Variants in PEBP4 observed in about 807,000 individuals in gnomAD.
PEBP4 encodes the protein phosphatidylethanolamine binding protein 4.
A neutral mutation model predicts 23.9 loss-of-function variants in PEBP4; 22 were observed. That is an observed-to-expected ratio of 0.92 (90% CI 0.66 to 1.31). The LOEUF is 1.31. Ranked by LOEUF, PEBP4 falls within the 40% of genes most tolerant of loss-of-function variation. PEBP4 has a pLI of 0.00. For missense variants in PEBP4, 324 were observed against 281.7 expected (o/e 1.15, Z -1.07); for synonymous variants, 112 against 99.3 (o/e 1.13, Z -0.76).
intron 4 of PEBP4, among the ~76,000 whole-genome samples, chr8:22,728,570 T>C (rs1393173208): frequency 3.4e-5 from 4 of 116,360 alleles, no homozygotes; most frequent in Admixed American, 8.7e-5. Context: ...CTTCCTTCCT[T>C]CCTTCCTTCC....
intron 2 of PEBP4, among the ~76,000 whole-genome samples, chr8:22,922,771 T>G (rs1809237581): frequency 6.6e-6 from 1 of 151,320 alleles, no homozygotes; most frequent in East Asian, 2.0e-4. Context: ...GGTGCCACCT[T>G]CCTGTGTGCC....
At chr8:22,764,368 G>C (rs903339373) in intron 4 of PEBP4, among the ~76,000 whole-genome samples, 1 of 152,122 alleles carries the variant, frequency 6.6e-6, no homozygotes, top group Admixed American at 6.5e-5. Context: ...TACTCTCTGT[G>C]GAGGTGTTAT....
chr8:22,781,775 C>T (rs772140681), intron 4 of PEBP4, among the ~76,000 whole-genome samples: 3 of 152,214 alleles, frequency 2.0e-5, no homozygotes, highest in Non-Finnish European at 4.4e-5. Flanking sequence ...GCTCAGGGAC[C>T]CCAGCTCACG....
chr8:22,830,499 G>A (rs1050568452), intron 3 of PEBP4, among the ~76,000 whole-genome samples: 3 of 152,054 alleles, frequency 2.0e-5, no homozygotes, highest in African/African-American at 7.2e-5. Context: ...TCAACCCACA[G>A]CCACATTTAT....
At chr8:22,795,165 T>A (rs10090213) in intron 4 of PEBP4, among the ~76,000 whole-genome samples, 294 of 16,478 alleles carry the variant, frequency 0.018, 2 homozygotes, top group African/African-American at 0.054. Context: ...ATATATATAT[T>A]TTTTTTTTTT....
chr8:22,915,980 C>T (rs1007649095), intron 3 of PEBP4, among the ~76,000 whole-genome samples: 12 of 152,094 alleles, frequency 7.9e-5, no homozygotes, highest in South Asian at 4.1e-4. Flanking sequence ...CCAATGAGGG[C>T]GAGAAGGTGC....
In PEBP4 at chr8:22,786,694, T is replaced by G. The variant is rs562065884; in HGVS notation, c.357+30943A>C. ...CTCTTTCTCCTCAGTCCTAACGTCA[T>G]CAAATCTTCATCTGAGTGATCAAAG... On this transcript the variant is annotated intron_variant, in intron 4 of 6. Transcript: ENST00000256404. Among the ~76,000 whole-genome samples the G allele has an allele frequency of 4.6e-5, 7 of 152,264 alleles. No individual in the cohort carries two copies. The East Asian group carries it at 1.3e-3, about 29-fold the overall frequency.
intron 4 of PEBP4, among the ~76,000 whole-genome samples, chr8:22,750,219 AGCCTCCTGAGTAGCT>A (rs1194190232): frequency 6.6e-6 from 1 of 152,010 alleles, no homozygotes; most frequent in Admixed American, 6.6e-5. Flanking sequence ...CTCCTGCCTC[AGCCTCCTGAGTAGCT>A]GGGATTACAG....
At chr8:22,794,399 C>T (rs764421600) in intron 4 of PEBP4, among the ~76,000 whole-genome samples, 9 of 152,136 alleles carry the variant, frequency 5.9e-5, no homozygotes, top group Admixed American at 3.3e-4. Flanking sequence ...TCAAGCAATG[C>T]CTCAGCTTCC....
chr8:22,723,962 AGAGGAAATGGCT>A (rs1804571977), intron 6 of PEBP4, among the ~76,000 whole-genome samples: 1 of 152,150 alleles, frequency 6.6e-6, no homozygotes, highest in African/African-American at 2.4e-5. Context: ...TCACTGGGTG[AGAGGAAATGGCT>A]GACGACACCC....
chr8:22,840,905 G>A (rs778404513), intron 3 of PEBP4, among the ~76,000 whole-genome samples: 1 of 152,276 alleles, frequency 6.6e-6, no homozygotes, highest in Non-Finnish European at 1.5e-5. Context: ...ATAACTAATG[G>A]TACCAATTGC....
intron 3 of PEBP4, among the ~76,000 whole-genome samples, chr8:22,878,954 C>T (rs1249285088): frequency 1.3e-5 from 2 of 152,186 alleles, no homozygotes; most frequent in Non-Finnish European, 2.9e-5. Context: ...AATTATAGTT[C>T]TTGTTCCCAG....
At chr8:22,915,649 C>T (rs1250188032) in intron 3 of PEBP4, among the ~76,000 whole-genome samples, 2 of 152,212 alleles carry the variant, frequency 1.3e-5, no homozygotes, top group Non-Finnish European at 2.9e-5. Context: ...TAGTCCATGG[C>T]GGCTGCAGTC....
At chr8:22,738,616 G>A (rs1042690785) in intron 4 of PEBP4, among the ~76,000 whole-genome samples, 1 of 152,248 alleles carries the variant, frequency 6.6e-6, no homozygotes, top group Middle Eastern at 3.4e-3. Flanking sequence ...GAGGGCCAGG[G>A]ATGGGAGAGC....
chr8:22,900,667 A>G (rs539763359), intron 3 of PEBP4, among the ~76,000 whole-genome samples: 133 of 151,864 alleles, frequency 8.8e-4, no homozygotes, highest in African/African-American at 3.0e-3. Flanking sequence ...AAAAAAAAAA[A>G]AAAGATATCT....
At chr8:22,911,009 A>C (rs1484759277) in intron 3 of PEBP4, among the ~76,000 whole-genome samples, 1 of 151,310 alleles carries the variant, frequency 6.6e-6, no homozygotes, top group East Asian at 1.9e-4. Context: ...TGGTGGGGGG[A>C]GCTGAGGGTA....
intron 4 of PEBP4, among the ~76,000 whole-genome samples, chr8:22,729,413 G>C (rs116573453): frequency 6.6e-6 from 1 of 152,200 alleles, no homozygotes; most frequent in African/African-American, 2.4e-5. Flanking sequence ...ATTCCCCCCA[G>C]GCTTGGGTCC....
intron 3 of PEBP4, among the ~76,000 whole-genome samples, chr8:22,891,787 G>A (rs1481620061): frequency 1.3e-5 from 2 of 152,312 alleles, no homozygotes; most frequent in South Asian, 4.1e-4. Flanking sequence ...AAGAAGCCAG[G>A]GAAGGGCCGG....
At chr8:22,814,259 G>GT (rs890411646) in intron 4 of PEBP4, among the ~76,000 whole-genome samples, 12 of 152,196 alleles carry the variant, frequency 7.9e-5, no homozygotes, top group Non-Finnish European at 1.6e-4. Flanking sequence ...AACCACAGCA[G>GT]TCTGGCTCTG....
Sources: gnomAD v4.1 joint callset for allele counts (sites outside exome capture counted in the v4.1 genomes callset) on GRCh38, gnomAD v4.1.1 for gene constraint, MANE v1.5 for transcripts, NCBI Gene and HGNC (gene_info 2026-07-23, HGNC 2026-07-21) for gene names.